Variants in RARA observed in about 807,000 individuals in gnomAD.
RARA encodes the protein PML-DDX5-RARA fusion.
In RARA, 5 loss-of-function variants were observed where a neutral mutation model predicts 42.8. The observed-to-expected ratio is 0.12, with a 90% CI of 0.06 to 0.25. RARA has a LOEUF of 0.25. RARA is among the 10% of genes least tolerant of loss of function. RARA has a pLI of 1.00. For synonymous variants in RARA, 256 were observed against 259.5 expected, an observed-to-expected ratio of 0.99 and a Z score of 0.13; for missense variants, 402 against 628.7, an observed-to-expected ratio of 0.64 and a Z score of 3.86.
At chr17:40,349,656 A>T in intron 3 of RARA, 128 bp from the exon 4 acceptor site, 1 of 1,199,888 alleles carries the variant, frequency 8.3e-7, no homozygotes, top group Non-Finnish European at 1.2e-6. Flanking sequence ...TGGCCTGCTC[A>T]GGTAGGCGAT....
In RARA at chr17:40,351,536, G is replaced by A; in HGVS notation, c.470-374G>A. On this transcript the variant is annotated intron_variant, in intron 4 of 8. Coordinates refer to ENST00000254066, the MANE Select transcript of RARA (RefSeq NM_000964.4). This position sits in a 1 kb window ranked among gnomAD's most constrained non-coding sequence, Gnocchi z 4.1. ...GACTGCAGCTGGGAGGGCTGGGTGA[G>A]TGGAGGCGGGAGAAGGACCTTCCTG... 1 of 472,318 alleles carries A rather than the reference G, an allele frequency of 2.1e-6. No homozygotes were observed. Among genetic ancestry groups the A allele is most frequent in the South Asian group, 1.6e-5 (1 of 63,742 alleles). 29.3% of individuals were successfully genotyped at this position (472,318 alleles called of 1,614,324 possible). A position where few individuals can be genotyped will look rare whatever the true frequency, so the allele number is the denominator to read the frequency against.
chr17:40,317,010 T>TAA (rs1300780344), intron 1 of RARA, among the ~76,000 whole-genome samples: 1 of 152,250 alleles, frequency 6.6e-6, no homozygotes, highest in Non-Finnish European at 1.5e-5. Flanking sequence ...GCTCTTGGGC[T>TAA]AAAGCCAGGG....
rs2034472792 is a variant in RARA at position 40,352,027 on chromosome 17, A to G, written c.587A>G (p.Gln196Arg). ...ELIEKVRKAHQETFPALCQLG... is the reference protein window; with the variant it reads ...ELIEKVRKAHRETFPALCQLG... Reference sequence around the variant, plus strand: ...ATTGAGAAGGTGCGCAAAGCGCACCAGGAAACCTTCCCTGCCCTCTGCCAG... The same window carrying G: ...ATTGAGAAGGTGCGCAAAGCGCACCGGGAAACCTTCCCTGCCCTCTGCCAG... Residue 196 changes from glutamine (Q) to arginine (R), a missense_variant, in exon 5 of 9, where the codon CAG becomes CGG. By Grantham distance (43) the Gln-to-Arg change is conservative. This residue lies in a region of RARA where 130 missense variants were observed against 267.9 expected (regional missense o/e 0.49). Transcript: ENST00000254066. The surrounding 1 kb of genome is among the most constrained non-coding windows in gnomAD (Gnocchi z 4.9). The G allele has an allele frequency of 1.3e-6, 2 of 1,586,960 alleles. No individual in the cohort carries two copies. Among genetic ancestry groups the G allele is most frequent in the African/African-American group, 1.4e-5 (1 of 72,748 alleles).
rs938057981 is a variant in RARA at position 40,341,054 on chromosome 17, C to A, written c.179-7262C>A. 1.2e-5 allele frequency: 5 copies of A among 400,650 alleles called. No homozygotes were observed. The Admixed American group carries it at 1.3e-4, about 11-fold the overall frequency. The allele number at this position is 400,650 out of a possible 1,614,324, so 24.8% of individuals were successfully genotyped here. Reference sequence around the variant, plus strand: ...GGGTAGCATGTACATTTCCATCCTTCCTTTTAGAGAGTGGGGGTAATAGGA... The same window carrying A: ...GGGTAGCATGTACATTTCCATCCTTACTTTTAGAGAGTGGGGGTAATAGGA... On this transcript the variant is annotated intron_variant, in intron 2 of 8. Coordinates refer to ENST00000254066, the MANE Select transcript of RARA (RefSeq NM_000964.4).
At chr17:40,322,312 G>A (rs1034417293) in intron 1 of RARA, among the ~76,000 whole-genome samples, 1 of 151,960 alleles carries the variant, frequency 6.6e-6, no homozygotes, top group African/African-American at 2.4e-5. Context: ...GAGGTGGCAG[G>A]GGCTAGGCAC....
At chr17:40,340,834 C>T in intron 2 of RARA, 1 of 400,108 alleles carries the variant, frequency 2.5e-6, no homozygotes, top group Non-Finnish European at 4.4e-6. Flanking sequence ...ATTGGCCTAG[C>T]TTGGTAAGAA....
At chr17:40,325,252 A>AAAATAAAT (rs10689341) in intron 1 of RARA, among the ~76,000 whole-genome samples, 1,673 of 141,588 alleles carry the variant, frequency 0.012, 21 homozygotes, top group East Asian at 0.017. Context: ...CTCCATCTCA[A>AAAATAAAT]AAATAAATAA....
chr17:40,341,242 C>T, intron 2 of RARA: 1 of 1,081,802 alleles, frequency 9.2e-7, no homozygotes, highest in East Asian at 3.2e-5. Flanking sequence ...CACCAGGGGC[C>T]GGTACTGGTT....
At chr17:40,331,882 C>G (rs1050318623) in intron 2 of RARA, among the ~76,000 whole-genome samples, 1 of 152,126 alleles carries the variant, frequency 6.6e-6, no homozygotes, top group Non-Finnish European at 1.5e-5. Context: ...CCACCTCTCC[C>G]CCTGCCAGCT....
intron 2 of RARA, among the ~76,000 whole-genome samples, chr17:40,334,628 C>G (rs1241624536): frequency 6.6e-6 from 1 of 152,208 alleles, no homozygotes; most frequent in African/African-American, 2.4e-5. Flanking sequence ...GAGGGTGAGG[C>G]AGTTCCCAGG....
intron 1 of RARA, among the ~76,000 whole-genome samples, chr17:40,330,199 G>A (rs771550490): frequency 2.0e-5 from 3 of 152,190 alleles, no homozygotes; most frequent in Admixed American, 6.5e-5. Flanking sequence ...CTGGGGGTAG[G>A]AGGCTTCCTG....
In RARA at chr17:40,326,931, G is replaced by A. The variant is rs367931359; in HGVS notation, c.-362-3926G>A. Among the ~76,000 whole-genome samples the A allele has an allele frequency of 1.3e-5, 2 of 152,138 alleles. No homozygotes were observed. The highest frequency in any genetic ancestry group is 4.8e-5 in the African/African-American group (2 of 41,428). On this transcript the variant is annotated intron_variant, in intron 1 of 8. Coordinates refer to ENST00000254066, the MANE Select transcript of RARA (RefSeq NM_000964.4). This position sits in a 1 kb window ranked among gnomAD's most constrained non-coding sequence, Gnocchi z 5.2. ...TACCCTTGCCCATCCCTGTTCTCTG[G>A]TCTTTCTGGCCCTTGGCCTATTTCT...
At chr17:40,333,769 T>G (rs2033767649) in intron 2 of RARA, among the ~76,000 whole-genome samples, 1 of 152,136 alleles carries the variant, frequency 6.6e-6, no homozygotes, top group Admixed American at 6.5e-5. Flanking sequence ...CTCGAGTAGC[T>G]GGGACTACAG....
At position 40,349,773 on chromosome 17, in the gene RARA, T is replaced by TCCATAC; in HGVS notation, c.328-7_328-2dup. ...GTGTGGACAACCTGACTCCCTCCCC[T>TCCATAC]CCATACCCAGGGCTTCTTCCGCCGC... On this transcript the variant is annotated splice_polypyrimidine_tract_variant and intron_variant, in intron 3 of 8. Coordinates refer to ENST00000254066, the MANE Select transcript of RARA (RefSeq NM_000964.4). 6.2e-7 allele frequency: 1 copy of TCCATAC among 1,613,834 alleles called. No individual in the cohort carries two copies. Among genetic ancestry groups the TCCATAC allele is most frequent in the African/African-American group, 1.3e-5 (1 of 75,028 alleles).
intron 4 of RARA, 24 bp downstream of exon 4, chr17:40,349,949 G>C: frequency 6.2e-7 from 1 of 1,611,368 alleles, no homozygotes; most frequent in Non-Finnish European, 8.5e-7. Context: ...GGCAGGGGCC[G>C]AGTCCCGCCT....
intron 2 of RARA, among the ~76,000 whole-genome samples, chr17:40,347,699 A>G (rs1469281573): frequency 2.6e-5 from 4 of 152,054 alleles, no homozygotes; most frequent in Non-Finnish European, 5.9e-5. Context: ...ATCTCCCCCT[A>G]TCTCAGGGAG....
chr17:40,339,058 A>C (rs1419836694), intron 2 of RARA, among the ~76,000 whole-genome samples: 1 of 152,180 alleles, frequency 6.6e-6, no homozygotes, highest in Non-Finnish European at 1.5e-5. Flanking sequence ...CAAAACTTCT[A>C]ATCTCTCCTT....
chr17:40,356,466 G>C lies in RARA; in HGVS notation c.*240G>C, dbSNP rs1287751391. The C allele has an allele frequency of 2.9e-6, 2 of 698,610 alleles. No individual in the cohort carries two copies. Among genetic ancestry groups the C allele is most frequent in the Non-Finnish European group, 5.2e-6 (2 of 383,794 alleles). 43.3% of individuals were successfully genotyped at this position (698,610 alleles called of 1,614,324 possible). A position where few individuals can be genotyped will look rare whatever the true frequency, so the allele number is the denominator to read the frequency against. Reference sequence around the variant, plus strand: ...GTCAGAGGCCGAGGCCAGGAACTGAGTGAGGCCCCTGGTCCTGGGTCTCAG... The same window carrying C: ...GTCAGAGGCCGAGGCCAGGAACTGACTGAGGCCCCTGGTCCTGGGTCTCAG... On this transcript the variant is annotated 3_prime_UTR_variant, in exon 9 of 9. Transcript: ENST00000254066.
rs1251179447 is a variant in RARA at position 40,356,828 on chromosome 17, G to C, written c.*602G>C. The C allele has an allele frequency of 4.4e-6, 2 of 453,200 alleles. No homozygotes were observed. The highest frequency in any genetic ancestry group is 8.2e-6 in the Non-Finnish European group (2 of 244,136). The allele number at this position is 453,200 out of a possible 1,614,324, so 28.1% of individuals were successfully genotyped here. A position where few individuals can be genotyped will look rare whatever the true frequency, so the allele number is the denominator to read the frequency against. On this transcript the variant is annotated 3_prime_UTR_variant, in exon 9 of 9. Coordinates refer to ENST00000254066, the MANE Select transcript of RARA (RefSeq NM_000964.4). ...CTGAAGGAATTTGTGCTGTGTATTGGGGGGAGCTGGATCCAGAGCTGGAGG... is the reference window on the plus strand; with the variant it reads ...CTGAAGGAATTTGTGCTGTGTATTGCGGGGAGCTGGATCCAGAGCTGGAGG...
Sources: allele counts gnomAD v4.1 joint callset (sites outside exome capture counted in the v4.1 genomes callset), GRCh38; gene constraint gnomAD v4.1.1; regional missense constraint gnomAD v4.1.1; non-coding constraint Gnocchi (gnomAD v3.1); transcripts MANE v1.5; gene names NCBI Gene and HGNC (gene_info 2026-07-23, HGNC 2026-07-21).